The following ADAMTS14 variants were observed in gnomAD, a reference collection of about 807,000 sequenced individuals.
The protein encoded by ADAMTS14 is A disintegrin and metalloproteinase with thrombospondin motifs 14.
In ADAMTS14, 100 loss-of-function variants were observed where a neutral mutation model predicts 128.6. The ratio of observed to expected loss-of-function variants is 0.78; its 90% CI spans 0.66 to 0.92. The LOEUF is 0.92. Among genes scored for constraint, ADAMTS14 ranks in the 40% least tolerant of loss-of-function variants. The probability of loss-of-function intolerance (pLI) is 0.00; values close to 1 mark genes in which losing one functional copy is unlikely to be tolerated. For synonymous variants in ADAMTS14, 665 were observed against 653.8 expected (o/e 1.02, Z -0.26); for missense variants, 1,562 against 1,658.6 (o/e 0.94, Z 1.01).
intron 2 of ADAMTS14, among the ~76,000 whole-genome samples, chr10:70,675,739 C>T (rs997933743): frequency 6.6e-6 from 1 of 152,210 alleles, no homozygotes; most frequent in Non-Finnish European, 1.5e-5. Context: ...TTTCTCGCCC[C>T]CACCTGGGGT....
At chr10:70,676,674 G>A (rs934616563) in intron 2 of ADAMTS14, among the ~76,000 whole-genome samples, 1 of 152,222 alleles carries the variant, frequency 6.6e-6, no homozygotes, top group African/African-American at 2.4e-5. Context: ...CAGGTGTCTG[G>A]GCTGAGCCTC....
rs750678380 is a variant in ADAMTS14 at position 70,749,938 on chromosome 10, G to A, written c.2380G>A (p.Glu794Lys). ...GGAGGATGCGGTGGAGGATGCCAAG[G>A]AAAGCCTCAAGACCAGCGGGCCCCT... Reference protein sequence around the residue: ...EWEDAVEDAKESLKTSGPLPE... With the variant: ...EWEDAVEDAKKSLKTSGPLPE... Residue 794 changes from glutamate (E) to lysine (K), a missense_variant, in exon 16 of 22, where the codon GAA (glutamate) becomes AAA (lysine). Physicochemically the swap from Glu to Lys is moderately conservative, Grantham distance 56 (BLOSUM62 1). Transcript: ENST00000373207. 2 of 1,613,996 alleles carry A rather than the reference G, an allele frequency of 1.2e-6. No individual in the cohort carries two copies. Among genetic ancestry groups the A allele is most frequent in the African/African-American group, 2.7e-5 (2 of 74,908 alleles).
chr10:70,719,704 G>C (rs987278765), intron 4 of ADAMTS14, among the ~76,000 whole-genome samples: 16 of 152,338 alleles, frequency 1.1e-4, no homozygotes, highest in African/African-American at 3.8e-4. Flanking sequence ...CATTGTGCCT[G>C]GCTGAAATAA....
At chr10:70,691,969 C>T (rs577813495) in intron 2 of ADAMTS14, among the ~76,000 whole-genome samples, 77 of 152,280 alleles carry the variant, frequency 5.1e-4, no homozygotes, top group African/African-American at 1.6e-3. Context: ...TCGTGCCATT[C>T]TAAATGTCCC....
At chr10:70,690,771 T>C (rs1362929801) in intron 2 of ADAMTS14, among the ~76,000 whole-genome samples, 1 of 145,068 alleles carries the variant, frequency 6.9e-6, no homozygotes, top group African/African-American at 2.4e-5. Context: ...GGTGTGCGTC[T>C]GAGTGGCAGC....
chr10:70,728,044 C>T (rs1841500450), intron 4 of ADAMTS14, among the ~76,000 whole-genome samples: 2 of 149,282 alleles, frequency 1.3e-5, no homozygotes, highest in Non-Finnish European at 1.5e-5. Context: ...TGCAGTGAGC[C>T]GAGATCGCAC....
rs1468979019 is a variant in ADAMTS14 at position 70,738,996 on chromosome 10, T to A, written c.1748+6T>A. ...CGGAGCTGCAACAACCCCTCGTGAG[T>A]GTGCTTGGCTAGGGTGGGGAGGGCA... On this transcript the variant is annotated splice_donor_region_variant and intron_variant, in intron 11 of 21. Transcript: ENST00000373207. 6.3e-7 allele frequency: 1 copy of A among 1,597,246 alleles called. No homozygotes were observed. Among genetic ancestry groups the A allele is most frequent in the East Asian group, 2.3e-5 (1 of 44,436 alleles).
chr10:70,758,383 C>A, intron 21 of ADAMTS14, 98 bp downstream of exon 21: 4 of 1,095,362 alleles, frequency 3.7e-6, no homozygotes, highest in Non-Finnish European at 5.2e-6. Flanking sequence ...CAGCTTGTAG[C>A]TGTCTGTGTG....
intron 4 of ADAMTS14, among the ~76,000 whole-genome samples, chr10:70,723,161 A>G (rs1370430127): frequency 6.6e-6 from 1 of 152,176 alleles, no homozygotes; most frequent in Non-Finnish European, 1.5e-5. Flanking sequence ...TGAGAAAACC[A>G]TCAGACGTAC....
intron 2 of ADAMTS14, among the ~76,000 whole-genome samples, chr10:70,676,283 T>G (rs1222018628): frequency 6.6e-6 from 1 of 152,172 alleles, no homozygotes; most frequent in Non-Finnish European, 1.5e-5. Flanking sequence ...GGGCTATAGG[T>G]GCTTGTCACT....
At chr10:70,701,542 C>T (rs1840492604) in intron 2 of ADAMTS14, among the ~76,000 whole-genome samples, 1 of 152,168 alleles carries the variant, frequency 6.6e-6, no homozygotes, top group Non-Finnish European at 1.5e-5. Flanking sequence ...CATACACGAA[C>T]CCACATCTAG....
At chr10:70,706,395 A>G (rs965607204) in intron 3 of ADAMTS14, among the ~76,000 whole-genome samples, 4 of 152,006 alleles carry the variant, frequency 2.6e-5, no homozygotes, top group African/African-American at 9.7e-5. Context: ...GTGGCATTCC[A>G]CTCGCAGGGC....
chr10:70,751,348 G>A, intron 16 of ADAMTS14, 130 bp from the exon 17 acceptor site: 4 of 919,068 alleles, frequency 4.4e-6, no homozygotes, highest in South Asian at 1.6e-5. Context: ...GCCATGCTGG[G>A]CACAACCTCA....
intron 4 of ADAMTS14, among the ~76,000 whole-genome samples, chr10:70,719,343 G>A (rs570473927): frequency 5.3e-5 from 8 of 150,394 alleles, no homozygotes; most frequent in African/African-American, 1.7e-4. Flanking sequence ...TTTTGCTTTC[G>A]TGGACAGCAT....
Position 70,760,640 on chromosome 10 carries a change from A to G in ADAMTS14, c.3459A>G (p.Gly1153=). ...ATGGCCGAGCCACACAGCTCCCAGG[A>G]GCTCTGGATACAAGCTCCCCAGGGA... The part of the protein sequence containing the change: ...HQHGRATQLP[G]ALDTSSPGTQ... The change falls in exon 22 of 22, where the codon GGA becomes GGG. Residue 1153 remains glycine, a synonymous_variant. Transcript: ENST00000373207. 1 of 1,614,112 alleles carries G rather than the reference A, an allele frequency of 6.2e-7. No individual in the cohort carries two copies. Among genetic ancestry groups the G allele is most frequent in the East Asian group, 2.2e-5 (1 of 44,880 alleles).
chr10:70,687,361 G>T (rs1373567442), intron 2 of ADAMTS14, among the ~76,000 whole-genome samples: 2 of 73,300 alleles, frequency 2.7e-5, no homozygotes, highest in African/African-American at 4.4e-5. Flanking sequence ...CCTCCCGGAC[G>T]GGGCGGCTGG....
chr10:70,706,510 C>A (rs1413600370), intron 3 of ADAMTS14, among the ~76,000 whole-genome samples: 1 of 152,214 alleles, frequency 6.6e-6, no homozygotes, highest in Non-Finnish European at 1.5e-5. Context: ...GGGCTGCCCT[C>A]CTCTCTCCCA....
At chr10:70,744,224 C>A in intron 14 of ADAMTS14, 35 bp downstream of exon 14, 1 of 1,483,644 alleles carries the variant, frequency 6.7e-7, no homozygotes, top group Non-Finnish European at 9.0e-7. Context: ...ATGACGAGGG[C>A]TGACTGGAGT....
chr10:70,683,601 G>A (rs778590471), intron 2 of ADAMTS14, among the ~76,000 whole-genome samples: 9 of 152,236 alleles, frequency 5.9e-5, no homozygotes, highest in Non-Finnish European at 1.2e-4. Flanking sequence ...GGGAAACTGA[G>A]TGACTATCAG....
Sources: allele counts gnomAD v4.1 joint callset (sites outside exome capture counted in the v4.1 genomes callset), GRCh38; gene constraint gnomAD v4.1.1; transcripts MANE v1.5; gene names NCBI Gene and HGNC (gene_info 2026-07-23, HGNC 2026-07-21).